Variants in VPS13D observed in about 807,000 individuals in gnomAD.
The protein encoded by VPS13D is vacuolar protein sorting 13 homolog D.
VPS13D carries 187 observed loss-of-function variants against 461.9 expected under a neutral mutation model. The observed-to-expected ratio is 0.40, with a 90% CI of 0.36 to 0.46. The LOEUF (loss-of-function observed/expected upper bound fraction) is 0.46. Among genes scored for constraint, VPS13D ranks in the 20% least tolerant of loss-of-function variants. The pLI is 0.60. For synonymous variants in VPS13D, 1,951 were observed against 1,986.3 expected (o/e 0.98, Z 0.47); for missense variants, 4,711 against 5,364.9 (o/e 0.88, Z 3.81).
Position 12,276,651 on chromosome 1 carries a change from T to C in VPS13D, c.3063T>C (p.Ala1021=), listed in dbSNP as rs373191024. Residue 1021 remains alanine, a synonymous_variant, in exon 19 of 70, where the codon GCT becomes GCC. Transcript: ENST00000620676. The surrounding 1 kb of genome is among the most constrained non-coding windows in gnomAD (Gnocchi z 4.5). ...GTGCTGATTTTGACCTTTTGATGGC[T>C]TCACATAAGAACTTGAGCTTTGATA... ...TYGADFDLLM[A]SHKNLSFDIP... is the part of the protein sequence containing the mutation. 2 of 1,614,196 alleles carry C rather than the reference T, an allele frequency of 1.2e-6. No homozygotes were observed.
chr1:12,245,441 T>C (rs991958857), intron 5 of VPS13D, among the ~76,000 whole-genome samples: 3 of 152,244 alleles, frequency 2.0e-5, no homozygotes, highest in African/African-American at 4.8e-5. Context: ...TATTGAGATA[T>C]AGTTCTTATG....
At chr1:12,393,552 T>C (rs1001259854) in intron 60 of VPS13D, among the ~76,000 whole-genome samples, 3 of 152,234 alleles carry the variant, frequency 2.0e-5, no homozygotes, top group African/African-American at 7.2e-5. Context: ...GATAATCCAC[T>C]GTTATTCTCC....
At chr1:12,260,903 T>C in intron 11 of VPS13D, 45 bp from the exon 12 acceptor site, 1 of 1,613,462 alleles carries the variant, frequency 6.2e-7, no homozygotes, top group Non-Finnish European at 8.5e-7. Context: ...CACAGCTTGC[T>C]TTTATCTTTG....
At position 12,457,189 on chromosome 1, in the gene VPS13D, C is replaced by T. The variant is rs183773850; in HGVS notation, c.12466+1059C>T. Among the ~76,000 whole-genome samples the T allele has an allele frequency of 2.2e-4, 33 of 152,304 alleles. 1 individual carries two copies. The highest frequency in any genetic ancestry group is 2.0e-3 in the Admixed American group (30 of 15,296). ...GGAACTATAAATCCAGCCAATTTTC[C>T]AACCACCATCCTTCAGCCATGCTGC... On this transcript the variant is annotated intron_variant, in intron 66 of 69. Transcript: ENST00000620676.
At chr1:12,400,128 CTG>C (rs1187400271) in intron 60 of VPS13D, 51 bp from the exon 61 acceptor site, 39 of 1,589,600 alleles carry the variant, frequency 2.5e-5, no homozygotes, top group Non-Finnish European at 3.3e-5. Flanking sequence ...AAAATGAAAA[CTG>C]AGCCACTGGT....
In VPS13D at chr1:12,231,761, G is replaced by A. The variant is rs529603075; in HGVS notation, c.-77+1641G>A. Among the ~76,000 whole-genome samples the A allele has an allele frequency of 6.6e-5, 10 of 152,272 alleles. No individual in the cohort carries two copies. The South Asian group carries it at 1.0e-3, about 16-fold the overall frequency. On this transcript the variant is annotated intron_variant, in intron 1 of 69. Transcript: ENST00000620676. Reference sequence around the variant, plus strand: ...CCCAGCACTTTGGGAGGCCAAAGTGGGCAGATCGCTTAAGGTCAGGATTTC... The same window carrying A: ...CCCAGCACTTTGGGAGGCCAAAGTGAGCAGATCGCTTAAGGTCAGGATTTC...
rs1384476853 is a variant in VPS13D at position 12,495,786 on chromosome 1, A to G, written c.12663-1714A>G. ...GTAGCCTGACAGAGAGGTCAGCAGG[A>G]CTGCCCTGGGGAAAGGATACTTTAT... On this transcript the variant is annotated intron_variant, in intron 67 of 69. Coordinates refer to ENST00000620676, the MANE Select transcript of VPS13D (RefSeq NM_015378.4). The surrounding 1 kb of genome is among the most constrained non-coding windows in gnomAD (Gnocchi z 4.0). Among the ~76,000 whole-genome samples the G allele has an allele frequency of 6.6e-6, 1 of 152,182 alleles. No individual in the cohort carries two copies. The highest frequency in any genetic ancestry group is 2.4e-5 in the African/African-American group (1 of 41,438).
chr1:12,495,790 C>T lies in VPS13D; in HGVS notation c.12663-1710C>T, dbSNP rs2100536968. Among the ~76,000 whole-genome samples, 1 of 152,246 alleles carries T rather than the reference C, an allele frequency of 6.6e-6. No individual in the cohort carries two copies. Among genetic ancestry groups the T allele is most frequent in the Admixed American group, 6.5e-5 (1 of 15,294 alleles). On this transcript the variant is annotated intron_variant, in intron 67 of 69. Coordinates refer to ENST00000620676, the MANE Select transcript of VPS13D (RefSeq NM_015378.4). This position sits in a 1 kb window ranked among gnomAD's most constrained non-coding sequence, Gnocchi z 4.0. ...CCTGACAGAGAGGTCAGCAGGACTG[C>T]CCTGGGGAAAGGATACTTTATTAGC...
At chr1:12,464,221 A>G (rs1169648041) in intron 67 of VPS13D, among the ~76,000 whole-genome samples, 1 of 152,182 alleles carries the variant, frequency 6.6e-6, no homozygotes, top group African/African-American at 2.4e-5. Context: ...CCCACTGTTT[A>G]GACAACAGGG....
chr1:12,291,778 G>A (rs1402750790), intron 23 of VPS13D, among the ~76,000 whole-genome samples: 1 of 152,212 alleles, frequency 6.6e-6, no homozygotes, highest in African/African-American at 2.4e-5. Context: ...ATATTAAGGG[G>A]ACTGAATCAT....
rs555365162 is a variant in VPS13D, at chr1:12,255,103, G to A, written c.670-1230G>A. On this transcript the variant is annotated intron_variant, in intron 7 of 69. Transcript: ENST00000620676. Reference sequence around the variant, plus strand: ...TGGGATTACAGGTGCATGCCACCACGCCCAGCTAATTTTTGTATTTTTAGT... The same window carrying A: ...TGGGATTACAGGTGCATGCCACCACACCCAGCTAATTTTTGTATTTTTAGT... 7.2e-5 allele frequency among the ~76,000 whole-genome samples: 11 copies of A among 152,070 alleles called. No homozygotes were observed. The East Asian group carries it at 1.4e-3, about 19-fold the overall frequency.
intron 65 of VPS13D, among the ~76,000 whole-genome samples, chr1:12,433,807 C>A (rs1445945390): frequency 6.6e-6 from 1 of 152,130 alleles, no homozygotes; most frequent in African/African-American, 2.4e-5. Flanking sequence ...TGCACTTAGA[C>A]CCCACTGCCT....
intron 40 of VPS13D, among the ~76,000 whole-genome samples, chr1:12,340,043 A>T (rs544231241): frequency 1.3e-5 from 2 of 152,086 alleles, no homozygotes; most frequent in African/African-American, 4.8e-5. Context: ...CTCTCATTGC[A>T]CTCATAGAAG....
chr1:12,308,547 C>CTGATCT lies in VPS13D; in HGVS notation c.6558_6563dup (p.Leu2186_Ile2187dup), dbSNP rs1557699678. The CTGATCT allele has an allele frequency of 6.2e-7, 1 of 1,614,088 alleles. No individual in the cohort carries two copies. The highest frequency in any genetic ancestry group is 1.1e-5 in the South Asian group (1 of 91,076). On this transcript the variant is annotated inframe_insertion, in exon 27 of 70. Transcript: ENST00000620676. ...GGCACCAGAGGATAGTAGTGGAGATCTGATCTTCCCTTCCTATTTTGTGCG... is the reference window on the plus strand; with the variant it reads ...GGCACCAGAGGATAGTAGTGGAGATCTGATCTTGATCTTCCCTTCCTATTTTGTGCG...
In VPS13D at chr1:12,304,613, G is replaced by A; in HGVS notation, c.6324G>A (p.Met2108Ile). 1 of 1,614,118 alleles carries A rather than the reference G, an allele frequency of 6.2e-7. No homozygotes were observed. Among genetic ancestry groups the A allele is most frequent in the Non-Finnish European group, 8.5e-7 (1 of 1,180,018 alleles). The stretch of plus-strand genomic sequence containing the variant: ...CCCATTCCCAGGGGCAGTTCACGAT[G>A]CCTCTTGCTGGAATGAGCCTAGGAA... The part of the protein sequence containing the change: ...RGTHSQGQFT[M>I]PLAGMSLGSL... The change falls in exon 26 of 70, where the codon ATG becomes ATA. Residue 2108 changes from methionine (M) to isoleucine (I), a missense_variant. Physicochemically the swap from Met to Ile is conservative, Grantham distance 10. Transcript: ENST00000620676.
At chr1:12,380,808 T>G (rs1299760191) in intron 57 of VPS13D, among the ~76,000 whole-genome samples, 1 of 152,242 alleles carries the variant, frequency 6.6e-6, no homozygotes, top group Admixed American at 6.5e-5. Context: ...TGGTGAGATT[T>G]ATTTTCTTTA....
In VPS13D at chr1:12,334,524, C is replaced by T. The variant is rs1466511816; in HGVS notation, c.8428+1158C>T. On this transcript the variant is annotated intron_variant, in intron 38 of 69. Coordinates refer to ENST00000620676, the MANE Select transcript of VPS13D (RefSeq NM_015378.4). ...GCTCATGCCTGTTAACCCAGTTCTT[C>T]GAGAAGCCAAGATGGGAAGCTCATT... Among the ~76,000 whole-genome samples, 4 of 152,172 alleles carry T rather than the reference C, an allele frequency of 2.6e-5. No homozygotes were observed. The East Asian group carries it at 5.8e-4, about 22-fold the overall frequency.
intron 2 of VPS13D, among the ~76,000 whole-genome samples, chr1:12,241,095 C>G (rs532103860): frequency 3.2e-4 from 48 of 152,012 alleles, no homozygotes; most frequent in Admixed American, 9.2e-4. Context: ...TGTGTGCTAC[C>G]ATGCCTGGCT....
In VPS13D at chr1:12,382,937, C is replaced by T. The variant is rs753029893; in HGVS notation, c.11191-39C>T. 3.2e-6 allele frequency: 5 copies of T among 1,579,142 alleles called. No individual in the cohort carries two copies. The African/African-American group carries it at 5.5e-5, about 17-fold the overall frequency. ...TGTTAACTTGTCAAAGTCAGTGCCT[C>T]TGTCTTTTCTCACATGTCTCTACTC... is the stretch of plus-strand genomic sequence containing the variant. On this transcript the variant is annotated intron_variant, in intron 57 of 69. Coordinates refer to ENST00000620676, the MANE Select transcript of VPS13D (RefSeq NM_015378.4).
Sources: allele counts gnomAD v4.1 joint callset (sites outside exome capture counted in the v4.1 genomes callset), GRCh38; gene constraint gnomAD v4.1.1; non-coding constraint Gnocchi (gnomAD v3.1); transcripts MANE v1.5; gene names NCBI Gene and HGNC (gene_info 2026-07-23, HGNC 2026-07-21).